NKAIN3: variants seen among roughly 807,000 people sequenced by gnomAD.
The protein encoded by NKAIN3 is sodium/potassium-transporting ATPase subunit beta-1-interacting protein 3.
Under a neutral mutation model 30.2 loss-of-function variants are expected in NKAIN3, and 25 were observed. The ratio of observed to expected loss-of-function variants is 0.83; its 90% CI spans 0.60 to 1.16. The LOEUF (loss-of-function observed/expected upper bound fraction) is 1.16. Ranked by LOEUF, NKAIN3 falls within the 50% of genes most tolerant of loss-of-function variation. NKAIN3 has a pLI of 0.00. For synonymous variants in NKAIN3, 91 were observed against 89.6 expected (o/e 1.02, Z -0.09); for missense variants, 225 against 254.1 (o/e 0.89, Z 0.78).
chr8:62,827,584 G>C (rs1017031445), intron 4 of NKAIN3, among the ~76,000 whole-genome samples: 1 of 152,076 alleles, frequency 6.6e-6, no homozygotes, highest in African/African-American at 2.4e-5. Flanking sequence ...CAGATGACCT[G>C]TGTGTCTCTC....
chr8:62,322,619 G>A (rs1814973328), intron 1 of NKAIN3, among the ~76,000 whole-genome samples: 1 of 152,200 alleles, frequency 6.6e-6, no homozygotes, highest in Admixed American at 6.5e-5. Flanking sequence ...GGAAAACCAT[G>A]TTAAATGGGC....
chr8:62,299,570 C>A lies in NKAIN3; in HGVS notation c.54+50443C>A, dbSNP rs564657390. 2.0e-5 allele frequency among the ~76,000 whole-genome samples: 3 copies of A among 152,168 alleles called. No homozygotes were observed. In the South Asian group the frequency reaches 6.2e-4, roughly 32 times the overall value. On this transcript the variant is annotated intron_variant, in intron 1 of 6. Transcript: ENST00000623646. ...TCAAATGAATTTTATTTTATCATTA[C>A]CTTTTTTTCATATGAAGTCAAGATT...
chr8:62,418,591 C>T (rs1265736930), intron 1 of NKAIN3, among the ~76,000 whole-genome samples: 1 of 152,142 alleles, frequency 6.6e-6, no homozygotes, highest in African/African-American at 2.4e-5. Context: ...AATTCTTTGA[C>T]TGGTCTGAGT....
chr8:62,704,696 A>G (rs769779293), intron 3 of NKAIN3, among the ~76,000 whole-genome samples: 1 of 152,226 alleles, frequency 6.6e-6, no homozygotes, highest in Non-Finnish European at 1.5e-5. Context: ...AACAAAAGCC[A>G]GGATTCCTCC....
intron 1 of NKAIN3, among the ~76,000 whole-genome samples, chr8:62,574,594 A>T (rs1361567654): frequency 6.6e-6 from 1 of 152,156 alleles, no homozygotes; most frequent in Non-Finnish European, 1.5e-5. Flanking sequence ...TTAATGGAAC[A>T]GCATAAAGAA....
chr8:62,362,192 G>A (rs187360461), intron 1 of NKAIN3, among the ~76,000 whole-genome samples: 3 of 152,286 alleles, frequency 2.0e-5, no homozygotes, highest in Non-Finnish European at 1.5e-5. Flanking sequence ...AAGTGGGCAT[G>A]CTATAAGAAT....
chr8:62,400,297 C>A (rs1817896364), intron 1 of NKAIN3, among the ~76,000 whole-genome samples: 1 of 151,560 alleles, frequency 6.6e-6, no homozygotes, highest in Non-Finnish European at 1.5e-5. Context: ...ACCCGCCCCC[C>A]AGTAGCTGGG....
intron 1 of NKAIN3, among the ~76,000 whole-genome samples, chr8:62,395,522 A>G (rs747371735): frequency 1.2e-4 from 18 of 152,250 alleles, no homozygotes; most frequent in Non-Finnish European, 2.4e-4. Context: ...ATTTAAAATT[A>G]TTTTAAGCAA....
At chr8:62,621,845 TAA>T (rs748698531) in intron 3 of NKAIN3, among the ~76,000 whole-genome samples, 24 of 152,038 alleles carry the variant, frequency 1.6e-4, no homozygotes, top group Non-Finnish European at 3.1e-4. Context: ...GTTTTATATT[TAA>T]GTTTCTCCCA....
chr8:62,313,490 C>T (rs1204922042), intron 1 of NKAIN3, among the ~76,000 whole-genome samples: 1 of 152,034 alleles, frequency 6.6e-6, no homozygotes, highest in East Asian at 1.9e-4. Flanking sequence ...GGCACATAAA[C>T]TTCACTAGGA....
At chr8:62,602,278 C>T (rs1439617375) in intron 3 of NKAIN3, among the ~76,000 whole-genome samples, 1 of 152,020 alleles carries the variant, frequency 6.6e-6, no homozygotes, top group East Asian at 1.9e-4. Context: ...ATTAGAATCA[C>T]TTATTGAACA....
chr8:62,321,943 C>G (rs547027044), intron 1 of NKAIN3, among the ~76,000 whole-genome samples: 1 of 152,302 alleles, frequency 6.6e-6, no homozygotes, highest in Admixed American at 6.5e-5. Flanking sequence ...TCTACAGAGG[C>G]AGGCAGACCT....
At chr8:62,424,137 T>A (rs1030649498) in intron 1 of NKAIN3, among the ~76,000 whole-genome samples, 2 of 151,988 alleles carry the variant, frequency 1.3e-5, no homozygotes, top group Non-Finnish European at 2.9e-5. Context: ...ATCGGACCAT[T>A]ATCTTACACC....
intron 3 of NKAIN3, among the ~76,000 whole-genome samples, chr8:62,606,478 A>T (rs999047019): frequency 2.0e-5 from 3 of 152,156 alleles, no homozygotes; most frequent in Non-Finnish European, 2.9e-5. Flanking sequence ...AAGGGTAAAT[A>T]CACTTCCTGC....
chr8:62,531,399 AT>A (rs1224578058), intron 1 of NKAIN3, among the ~76,000 whole-genome samples: 1 of 152,176 alleles, frequency 6.6e-6, no homozygotes, highest in Non-Finnish European at 1.5e-5. Context: ...CATCACATAA[AT>A]TCTGCCTATA....
chr8:62,357,439 A>G (rs956456773), intron 1 of NKAIN3, among the ~76,000 whole-genome samples: 1 of 152,178 alleles, frequency 6.6e-6, no homozygotes, highest in African/African-American at 2.4e-5. Context: ...AAAGCATTCC[A>G]TAATAGAAAT....
chr8:62,904,983 C>T (rs954399211), intron 4 of NKAIN3, among the ~76,000 whole-genome samples: 2 of 152,070 alleles, frequency 1.3e-5, no homozygotes, highest in Admixed American at 6.6e-5. Flanking sequence ...TCAGGTCTCT[C>T]GGAGGGTAGT....
chr8:62,438,770 C>T (rs939436613), intron 1 of NKAIN3, among the ~76,000 whole-genome samples: 4 of 152,084 alleles, frequency 2.6e-5, no homozygotes, highest in South Asian at 2.1e-4. Context: ...ACCATGTTAC[C>T]CAGGCTGGTC....
chr8:62,879,398 G>A (rs1040290464), intron 4 of NKAIN3, among the ~76,000 whole-genome samples: 7 of 152,184 alleles, frequency 4.6e-5, no homozygotes, highest in Non-Finnish European at 1.0e-4. Context: ...GGTCATTGTA[G>A]ATTCTGGATA....
Sources: allele counts gnomAD v4.1 joint callset (sites outside exome capture counted in the v4.1 genomes callset), GRCh38; gene constraint gnomAD v4.1.1; transcripts MANE v1.5; gene names NCBI Gene and HGNC (gene_info 2026-07-23, HGNC 2026-07-21).